The following RBMS3 variants were observed in gnomAD, a reference collection of about 807,000 sequenced individuals.
The protein encoded by RBMS3 is RNA binding motif single stranded interacting protein 3.
RBMS3 carries 27 observed loss-of-function variants against 66.8 expected under a neutral mutation model. The observed-to-expected ratio is 0.40, with a 90% confidence interval of 0.30 to 0.56. The LOEUF (loss-of-function observed/expected upper bound fraction) is 0.56. RBMS3 is among the 20% of genes least tolerant of loss of function. The pLI, the probability that RBMS3 is intolerant of heterozygous loss-of-function variation, is 0.40. For missense variants in RBMS3, 513 were observed against 549.5 expected (o/e 0.93, Z 0.66); for synonymous variants, 188 against 183.0 (o/e 1.03, Z -0.22).
chr3:29,320,264 A>G (rs148796475), intron 1 of RBMS3, among the ~76,000 whole-genome samples: 12 of 152,160 alleles, frequency 7.9e-5, no homozygotes, highest in Non-Finnish European at 4.4e-5. Flanking sequence ...GTTCTACAAA[A>G]TAGGAGAACT....
intron 5 of RBMS3, among the ~76,000 whole-genome samples, chr3:29,752,662 A>G (rs1411429854): frequency 6.6e-6 from 1 of 152,210 alleles, no homozygotes; most frequent in Non-Finnish European, 1.5e-5. Flanking sequence ...CAAATTTTGT[A>G]TTAATAGCTT....
intron 1 of RBMS3, among the ~76,000 whole-genome samples, chr3:29,405,726 G>C (rs771584861): frequency 1.3e-5 from 2 of 152,134 alleles, no homozygotes; most frequent in Non-Finnish European, 2.9e-5. Context: ...AAAACATGGG[G>C]GAAAATTCAG....
chr3:29,962,873 C>CT (rs903872204), intron 12 of RBMS3, among the ~76,000 whole-genome samples: 29 of 148,762 alleles, frequency 1.9e-4, no homozygotes, highest in South Asian at 4.3e-4. Flanking sequence ...AGGACAGCTC[C>CT]TTTTTTTTTT....
chr3:29,527,332 A>T (rs2148986250), intron 3 of RBMS3, among the ~76,000 whole-genome samples: 1 of 152,308 alleles, frequency 6.6e-6, no homozygotes, highest in South Asian at 2.1e-4. Context: ...CATGTAAACA[A>T]GTAAAGTCCT....
chr3:29,618,260 G>A lies in RBMS3; in HGVS notation c.399+31055G>A, dbSNP rs140213329. 1.5e-4 allele frequency among the ~76,000 whole-genome samples: 23 copies of A among 152,124 alleles called. No individual in the cohort carries two copies. The East Asian group carries it at 2.1e-3, about 14-fold the overall frequency. On this transcript the variant is annotated intron_variant, in intron 4 of 14. Coordinates refer to ENST00000383767, the MANE Select transcript of RBMS3 (RefSeq NM_001003793.3). ...CTGTAATCCTAGCACTTTGGGAGGC[G>A]GAGGCAGGTGGAACCCCTGAGGTCA...
intron 4 of RBMS3, among the ~76,000 whole-genome samples, chr3:29,666,350 A>C (rs537343665): frequency 1.3e-5 from 2 of 152,182 alleles, no homozygotes; most frequent in Non-Finnish European, 2.9e-5. Flanking sequence ...GATTTTTGCA[A>C]TTGTTACTGC....
intron 12 of RBMS3, among the ~76,000 whole-genome samples, chr3:29,972,377 C>A (rs546964064): frequency 6.6e-6 from 1 of 152,120 alleles, no homozygotes; most frequent in South Asian, 2.1e-4. Flanking sequence ...GCTTTATGCC[C>A]TGTTGTTTGC....
intron 7 of RBMS3, among the ~76,000 whole-genome samples, chr3:29,878,825 T>C (rs1226906191): frequency 6.6e-6 from 1 of 152,042 alleles, no homozygotes; most frequent in Non-Finnish European, 1.5e-5. Flanking sequence ...GAGGATCACT[T>C]GAGGCCAGGA....
chr3:29,554,108 C>T (rs2046266388), intron 3 of RBMS3, among the ~76,000 whole-genome samples: 1 of 152,108 alleles, frequency 6.6e-6, no homozygotes, highest in South Asian at 2.1e-4. Flanking sequence ...TTTCTAATTA[C>T]CACGTTCTCC....
At chr3:29,699,858 A>C (rs2052471322) in intron 4 of RBMS3, among the ~76,000 whole-genome samples, 1 of 152,154 alleles carries the variant, frequency 6.6e-6, no homozygotes, top group Non-Finnish European at 1.5e-5. Context: ...TCAGATTATG[A>C]TTCAGTAGGT....
intron 2 of RBMS3, among the ~76,000 whole-genome samples, chr3:29,471,896 A>C (rs2042741527): frequency 6.6e-6 from 1 of 152,016 alleles, no homozygotes. Context: ...AAATTTAAAA[A>C]GATTTTAGGA....
chr3:29,737,894 AAG>A (rs3070728), intron 4 of RBMS3, among the ~76,000 whole-genome samples: 1 of 148,330 alleles, frequency 6.7e-6, no homozygotes, highest in Non-Finnish European at 1.5e-5. Context: ...GTGACAGAGA[AAG>A]AGAGGGAGAT....
chr3:29,660,512 A>T (rs1181744530), intron 4 of RBMS3, among the ~76,000 whole-genome samples: 2 of 152,148 alleles, frequency 1.3e-5, no homozygotes, highest in Non-Finnish European at 2.9e-5. Flanking sequence ...TGGAGAGCTT[A>T]ATTCGTTACT....
At position 30,006,281 on chromosome 3, in the gene RBMS3, A is replaced by G. The variant is rs939961991; in HGVS notation, c.*2419A>G. The G allele has an allele frequency of 6.6e-6, 1 of 151,932 alleles. No individual in the cohort carries two copies. Among genetic ancestry groups the G allele is most frequent in the Admixed American group, 6.6e-5 (1 of 15,224 alleles). The allele number at this position is 151,932 out of a possible 1,614,324, so 9.4% of individuals were successfully genotyped here. A position where few individuals can be genotyped will look rare whatever the true frequency, so the allele number is the denominator to read the frequency against. On this transcript the variant is annotated 3_prime_UTR_variant, in exon 15 of 15. Coordinates refer to ENST00000383767, the MANE Select transcript of RBMS3 (RefSeq NM_001003793.3). The stretch of plus-strand genomic sequence containing the variant: ...TCAACATGAGTAATAAGGTTGACTC[A>G]TGTGAAATTGTCAATATTCTACTAT...
chr3:29,703,787 G>T (rs941890104), intron 4 of RBMS3, among the ~76,000 whole-genome samples: 1 of 152,162 alleles, frequency 6.6e-6, no homozygotes, highest in African/African-American at 2.4e-5. Context: ...AACCCTACAG[G>T]TTGTGTTACA....
At chr3:29,997,773 A>G (rs1022074471) in intron 14 of RBMS3, among the ~76,000 whole-genome samples, 8 of 152,142 alleles carry the variant, frequency 5.3e-5, no homozygotes, top group African/African-American at 1.9e-4. Flanking sequence ...GTATTTCAAA[A>G]TAATAAGAGC....
intron 3 of RBMS3, among the ~76,000 whole-genome samples, chr3:29,537,402 T>C (rs1237432551): frequency 2.0e-5 from 3 of 152,218 alleles, no homozygotes; most frequent in Non-Finnish European, 4.4e-5. Context: ...TTGAAGTCAG[T>C]ACATGCTACT....
intron 6 of RBMS3, among the ~76,000 whole-genome samples, chr3:29,816,923 C>T (rs138101761): frequency 0.023 from 3,464 of 152,024 alleles, 119 homozygotes; most frequent in African/African-American, 0.078. Flanking sequence ...TACCCCGTCT[C>T]TACTAAAGAT....
In RBMS3 at chr3:29,832,391, A is replaced by G. The variant is rs147282867; in HGVS notation, c.638-36467A>G. ...ATATCCCACAAAAGCACTGATTTTGATAAGTACCAATGGATGAGAGTACCT... is the reference window on the plus strand; with the variant it reads ...ATATCCCACAAAAGCACTGATTTTGGTAAGTACCAATGGATGAGAGTACCT... On this transcript the variant is annotated intron_variant, in intron 6 of 14. Transcript: ENST00000383767. 6.6e-3 allele frequency among the ~76,000 whole-genome samples: 1,010 copies of G among 152,312 alleles called. 9 individuals carry two copies. The highest frequency in any genetic ancestry group is 0.022 in the African/African-American group (912 of 41,578).
Sources: allele counts gnomAD v4.1 joint callset (sites outside exome capture counted in the v4.1 genomes callset), GRCh38; gene constraint gnomAD v4.1.1; transcripts MANE v1.5; gene names NCBI Gene and HGNC (gene_info 2026-07-23, HGNC 2026-07-21).